Variants in MYT1L observed in about 807,000 individuals in gnomAD.
MYT1L encodes myelin transcription factor 1 like.
In MYT1L, 12 loss-of-function variants were observed where a neutral mutation model predicts 126.7. The ratio of observed to expected loss-of-function variants is 0.09; its 90% CI spans 0.06 to 0.15. The LOEUF (loss-of-function observed/expected upper bound fraction) is 0.15. MYT1L is among the 10% of genes least tolerant of loss of function. MYT1L has a pLI of 1.00. For synonymous variants in MYT1L, 541 were observed against 604.2 expected (o/e 0.90, Z 1.53); for missense variants, 979 against 1,585.2 (o/e 0.62, Z 6.49).
chr2:2,016,031 T>C (rs2064350414), intron 4 of MYT1L, among the ~76,000 whole-genome samples: 1 of 152,228 alleles, frequency 6.6e-6, no homozygotes, highest in South Asian at 2.1e-4. Flanking sequence ...CATCCACTGT[T>C]TTCTTTAATA....
At chr2:2,206,718 A>T (rs1288666874) in intron 2 of MYT1L, among the ~76,000 whole-genome samples, 2 of 152,020 alleles carry the variant, frequency 1.3e-5, no homozygotes. Context: ...TCCTCCATAA[A>T]CCCCCAAAGC....
chr2:1,967,967 C>T (rs79749683), intron 8 of MYT1L, among the ~76,000 whole-genome samples: 1,583 of 152,254 alleles, frequency 0.01, 16 homozygotes, highest in Admixed American at 0.022. Context: ...CTGCACTGCT[C>T]CCTGCTCACT....
At chr2:2,151,977 A>G (rs1274994199) in intron 3 of MYT1L, among the ~76,000 whole-genome samples, 1 of 151,992 alleles carries the variant, frequency 6.6e-6, no homozygotes, top group Non-Finnish European at 1.5e-5. Context: ...AATCACTTGA[A>G]CCCGGGAGGC....
chr2:1,961,151 C>T (rs147747920), intron 8 of MYT1L, among the ~76,000 whole-genome samples: 39 of 152,254 alleles, frequency 2.6e-4, no homozygotes, highest in Non-Finnish European at 5.0e-4. Flanking sequence ...TATGTGATTC[C>T]CTACCAAATA....
At chr2:2,131,201 G>A (rs1575385349) in intron 3 of MYT1L, among the ~76,000 whole-genome samples, 1 of 152,112 alleles carries the variant, frequency 6.6e-6, no homozygotes. Context: ...AGCTCACCTC[G>A]TGCAGCTCGG....
At chr2:2,063,913 TC>T (rs984643652) in intron 3 of MYT1L, among the ~76,000 whole-genome samples, 1 of 152,170 alleles carries the variant, frequency 6.6e-6, no homozygotes, top group Non-Finnish European at 1.5e-5. Context: ...TCTACAGGTC[TC>T]CTTGCTTGAG....
In MYT1L at chr2:1,806,390, C is replaced by G. The variant is rs76724822; in HGVS notation, c.3172+2686G>C. Among the ~76,000 whole-genome samples the G allele has an allele frequency of 1.5e-4, 23 of 152,298 alleles. No homozygotes were observed. The highest frequency in any genetic ancestry group is 5.1e-4 in the African/African-American group (21 of 41,562). On this transcript the variant is annotated intron_variant, in intron 22 of 24. Transcript: ENST00000647738. The surrounding 1 kb of genome is among the most constrained non-coding windows in gnomAD (Gnocchi z 4.9). The stretch of plus-strand genomic sequence containing the variant: ...ACAACACGAACTGTGTGTCTAGAAA[C>G]TTGGGTGAAATGCAGCGACCTGGCT...
chr2:1,912,034 C>T lies in MYT1L; in HGVS notation c.1695G>A (p.Arg565=). ...CTGRGHVNSN[R]NSHRSLSGCP... is the part of the protein sequence containing the mutation. The stretch of plus-strand genomic sequence containing the variant: ...GCGTGGCTTACCTTCGGTGGGAGTT[C>T]CTGTTGCTGTTGACATGCCCGCGCC... Residue 565 remains arginine (R), a synonymous_variant, in exon 12 of 25, where the codon AGG becomes AGA. Coordinates refer to ENST00000647738, the MANE Select transcript of MYT1L (RefSeq NM_001303052.2). This position sits in a 1 kb window ranked among gnomAD's most constrained non-coding sequence, Gnocchi z 4.3. 3.1e-6 allele frequency: 5 copies of T among 1,595,162 alleles called. No individual in the cohort carries two copies. Among genetic ancestry groups the T allele is most frequent in the Non-Finnish European group, 4.3e-6 (5 of 1,167,278 alleles).
chr2:2,201,943 G>A (rs956401859), intron 2 of MYT1L, among the ~76,000 whole-genome samples: 1 of 152,062 alleles, frequency 6.6e-6, no homozygotes, highest in Admixed American at 6.6e-5. Flanking sequence ...TATAAATGAA[G>A]TATAGAACTC....
intron 8 of MYT1L, among the ~76,000 whole-genome samples, chr2:1,970,270 T>TA (rs1010936519): frequency 6.6e-6 from 1 of 152,056 alleles, no homozygotes; most frequent in African/African-American, 2.4e-5. Context: ...CAGCCCCAGA[T>TA]AGGGGACTCG....
In MYT1L at chr2:1,922,224, C is replaced by A; in HGVS notation, c.1483+62G>T. On this transcript the variant is annotated intron_variant, in intron 10 of 24. Transcript: ENST00000647738. The surrounding 1 kb of genome is among the most constrained non-coding windows in gnomAD (Gnocchi z 7.4). Reference sequence around the variant, plus strand: ...GTCACACTTTAACTGTAGACTACCACCAACATCCTTTACCCTAGCTCATGT... The same window carrying A: ...GTCACACTTTAACTGTAGACTACCAACAACATCCTTTACCCTAGCTCATGT... The A allele has an allele frequency of 6.4e-7, 1 of 1,571,580 alleles. No individual in the cohort carries two copies. Among genetic ancestry groups the A allele is most frequent in the Non-Finnish European group, 8.6e-7 (1 of 1,157,024 alleles).
At chr2:1,845,603 C>T (rs531705886) in intron 19 of MYT1L, among the ~76,000 whole-genome samples, 1 of 152,290 alleles carries the variant, frequency 6.6e-6, no homozygotes, top group South Asian at 2.1e-4. Context: ...CTCACCTGCA[C>T]CAGCTCTTCT....
At chr2:1,882,627 A>G (rs1333102322) in intron 18 of MYT1L, among the ~76,000 whole-genome samples, 1 of 152,224 alleles carries the variant, frequency 6.6e-6, no homozygotes. Context: ...TGGATTGACT[A>G]TTGTAAACTG....
At position 2,005,404 on chromosome 2, in the gene MYT1L, C is replaced by T. The variant is rs146386399; in HGVS notation, c.-157-8057G>A. On this transcript the variant is annotated intron_variant, in intron 4 of 24. Transcript: ENST00000647738. ...TCCTGCCTGCTTTCTTTCCTGCGTG[C>T]GTTCTTTCCTCATGCGTTCTTTCCT... Among the ~76,000 whole-genome samples, 132 of 144,468 alleles carry T rather than the reference C, an allele frequency of 9.1e-4. 1 individual carries two copies. The highest frequency in any genetic ancestry group is 4.8e-3 in the East Asian group (22 of 4,616). The allele number at this position is 144,468 out of a possible 152,430, so 94.8% of individuals were successfully genotyped here.
intron 1 of MYT1L, among the ~76,000 whole-genome samples, chr2:2,330,505 CTTTA>C (rs2096278357): frequency 6.6e-6 from 1 of 152,070 alleles, no homozygotes; most frequent in African/African-American, 2.4e-5. Context: ...ATTTAAAAAT[CTTTA>C]TTTGAGTTTC....
intron 8 of MYT1L, among the ~76,000 whole-genome samples, chr2:1,946,619 A>G (rs950148535): frequency 2.6e-5 from 4 of 152,228 alleles, no homozygotes; most frequent in African/African-American, 9.6e-5. Flanking sequence ...GTGAAACGTT[A>G]TCATCCCTTA....
chr2:1,966,376 A>G (rs1051705158), intron 8 of MYT1L, among the ~76,000 whole-genome samples: 1 of 152,232 alleles, frequency 6.6e-6, no homozygotes, highest in Non-Finnish European at 1.5e-5. Context: ...TTTGAATAAG[A>G]AGGAAGCAAT....
At chr2:2,078,068 T>A (rs1314017382) in intron 3 of MYT1L, among the ~76,000 whole-genome samples, 1 of 152,160 alleles carries the variant, frequency 6.6e-6, no homozygotes, top group Non-Finnish European at 1.5e-5. Context: ...AATGGAAGAA[T>A]ATGGTAACAA....
At chr2:1,938,647 A>G (rs1435316622) in intron 9 of MYT1L, among the ~76,000 whole-genome samples, 1 of 152,218 alleles carries the variant, frequency 6.6e-6, no homozygotes, top group African/African-American at 2.4e-5. Flanking sequence ...TTGATTACCT[A>G]TCCCCCACCT....
Sources: allele counts gnomAD v4.1 joint callset (sites outside exome capture counted in the v4.1 genomes callset), GRCh38; gene constraint gnomAD v4.1.1; non-coding constraint Gnocchi (gnomAD v3.1); transcripts MANE v1.5; gene names NCBI Gene and HGNC (gene_info 2026-07-23, HGNC 2026-07-21).